ROR2: variants seen among roughly 807,000 people sequenced by gnomAD.
The protein encoded by ROR2 is tyrosine-protein kinase transmembrane receptor ROR2.
ROR2 carries 33 observed loss-of-function variants against 74.9 expected under a neutral mutation model. That is an observed-to-expected ratio of 0.44 (90% confidence interval 0.33 to 0.59). The LOEUF (loss-of-function observed/expected upper bound fraction) is 0.59, where lower values mean the gene tolerates loss of function less well. ROR2 is among the 20% of genes least tolerant of loss of function. The probability of loss-of-function intolerance (pLI) is 0.02; values close to 1 mark genes in which losing one functional copy is unlikely to be tolerated. For synonymous variants in ROR2, 586 were observed against 558.7 expected (o/e 1.05, Z -0.69); for missense variants, 1,216 against 1,313.8 (o/e 0.93, Z 1.15).
intron 1 of ROR2, among the ~76,000 whole-genome samples, chr9:91,807,751 A>G (rs892215536): frequency 1.3e-5 from 2 of 152,102 alleles, no homozygotes; most frequent in Non-Finnish European, 2.9e-5. Flanking sequence ...GTCTTCGTCT[A>G]TGTTGGTGAT....
intron 1 of ROR2, among the ~76,000 whole-genome samples, chr9:91,868,433 AAT>A (rs1455356480): frequency 1.3e-5 from 2 of 152,226 alleles, no homozygotes; most frequent in African/African-American, 4.8e-5. Flanking sequence ...GAACTTTATA[AAT>A]GTGGCAAAAA....
intron 1 of ROR2, among the ~76,000 whole-genome samples, chr9:91,948,040 C>T (rs761800095): frequency 3.9e-5 from 6 of 152,016 alleles, no homozygotes; most frequent in Non-Finnish European, 5.9e-5. Flanking sequence ...AAAACGACTC[C>T]AATTGCTTTG....
chr9:91,842,024 C>T (rs1828796412), intron 1 of ROR2, among the ~76,000 whole-genome samples: 2 of 152,182 alleles, frequency 1.3e-5, no homozygotes, highest in African/African-American at 2.4e-5. Context: ...CAGCCCCACC[C>T]ACCAGCCTCA....
intron 1 of ROR2, among the ~76,000 whole-genome samples, chr9:91,837,150 T>G (rs10992127): frequency 0.36 from 54,331 of 151,996 alleles, 10,294 homozygotes; most frequent in East Asian, 0.61. Context: ...TGTTTTTTTT[T>G]TTGTTGTTGT....
intron 1 of ROR2, among the ~76,000 whole-genome samples, chr9:91,844,816 C>G (rs1327434615): frequency 6.6e-6 from 1 of 152,160 alleles, no homozygotes; most frequent in Non-Finnish European, 1.5e-5. Flanking sequence ...TATACTCCCC[C>G]ACGGTATACA....
intron 1 of ROR2, among the ~76,000 whole-genome samples, chr9:91,911,933 C>CAAA (rs747087662): frequency 0.011 from 844 of 76,138 alleles, 32 homozygotes; most frequent in African/African-American, 0.029. Flanking sequence ...TGAGTCTAAG[C>CAAA]AAAAAAAAAA....
chr9:91,787,027 A>T (rs1826825726), intron 1 of ROR2, among the ~76,000 whole-genome samples: 1 of 152,222 alleles, frequency 6.6e-6, no homozygotes, highest in African/African-American at 2.4e-5. Context: ...CAATCCGGAA[A>T]TGAAAGCTGA....
chr9:91,793,067 G>A (rs1827053034), intron 1 of ROR2, among the ~76,000 whole-genome samples: 1 of 152,110 alleles, frequency 6.6e-6, no homozygotes, highest in Non-Finnish European at 1.5e-5. Flanking sequence ...ATTCTATGAG[G>A]TCAGTATTAC....
chr9:91,937,125 A>G (rs1270949751), intron 1 of ROR2, among the ~76,000 whole-genome samples: 1 of 151,798 alleles, frequency 6.6e-6, no homozygotes, highest in Non-Finnish European at 1.5e-5. Context: ...AAGCTAAAGT[A>G]TTTTTTCAAG....
Position 91,723,478 on chromosome 9 carries a change from G to T in ROR2, c.*184C>A. 1 of 942,480 alleles carries T rather than the reference G, an allele frequency of 1.1e-6. No homozygotes were observed. The highest frequency in any genetic ancestry group is 1.5e-6 in the Non-Finnish European group (1 of 649,348). 58.4% of individuals were successfully genotyped at this position (942,480 alleles called of 1,614,324 possible). ...CCCTGCCTGGCTTGGGTGCTCCTAGGCAGGGCAGCTCTCTGTGTCAGAGGA... is the reference window on the plus strand; with the variant it reads ...CCCTGCCTGGCTTGGGTGCTCCTAGTCAGGGCAGCTCTCTGTGTCAGAGGA... On this transcript the variant is annotated 3_prime_UTR_variant, in exon 9 of 9. Transcript: ENST00000375708.
intron 1 of ROR2, among the ~76,000 whole-genome samples, chr9:91,795,174 A>G (rs1196011319): frequency 6.6e-6 from 1 of 152,216 alleles, no homozygotes; most frequent in Admixed American, 6.5e-5. Flanking sequence ...GCATGAAACT[A>G]TATGTAGCTG....
intron 2 of ROR2, among the ~76,000 whole-genome samples, chr9:91,765,671 T>G (rs373618477): frequency 6.6e-6 from 1 of 152,214 alleles, no homozygotes; most frequent in East Asian, 1.9e-4. Context: ...GGGCTGACCC[T>G]GTGGCAATGT....
intron 1 of ROR2, among the ~76,000 whole-genome samples, chr9:91,835,884 T>C (rs1828597508): frequency 6.6e-6 from 1 of 152,188 alleles, no homozygotes; most frequent in African/African-American, 2.4e-5. Flanking sequence ...CATGTCCGCC[T>C]TTCACTTCTA....
chr9:91,866,062 T>C (rs117798920), intron 1 of ROR2, among the ~76,000 whole-genome samples: 6,482 of 152,260 alleles, frequency 0.043, 406 homozygotes, highest in East Asian at 0.2. Flanking sequence ...GAAGAAATAG[T>C]GATATTCTTC....
intron 1 of ROR2, among the ~76,000 whole-genome samples, chr9:91,789,166 GATT>G (rs1826893134): frequency 6.6e-6 from 1 of 152,106 alleles, no homozygotes; most frequent in South Asian, 2.1e-4. Flanking sequence ...ACCCCAATTT[GATT>G]ATTATACAAT....
In ROR2 at chr9:91,916,107, CCACG is replaced by C. The variant is rs1831126549; in HGVS notation, c.97+33756_97+33759del. Among the ~76,000 whole-genome samples, 3 of 152,276 alleles carry C rather than the reference CCACG, an allele frequency of 2.0e-5. No homozygotes were observed. The South Asian group carries it at 6.2e-4, about 32-fold the overall frequency. On this transcript the variant is annotated intron_variant, in intron 1 of 8. Transcript: ENST00000375708. ...AGTCACATCTTGGCTGTAACTCATT[CCACG>C]CAGGAAAGCAACAAGGAAGAAGGGA...
intron 4 of ROR2, among the ~76,000 whole-genome samples, chr9:91,752,927 G>C (rs1271593682): frequency 6.6e-6 from 1 of 152,216 alleles, no homozygotes; most frequent in Non-Finnish European, 1.5e-5. Flanking sequence ...GTAAATGCTA[G>C]CATCTAGCTG....
intron 1 of ROR2, among the ~76,000 whole-genome samples, chr9:91,911,786 G>A (rs1467779332): frequency 2.6e-5 from 4 of 152,106 alleles, no homozygotes; most frequent in African/African-American, 7.2e-5. Flanking sequence ...GCAGCTTTAA[G>A]GTGGAGAAAT....
At chr9:91,883,198 C>CT (rs1830165449) in intron 1 of ROR2, 1 of 152,172 alleles carries the variant, frequency 6.6e-6, no homozygotes. Context: ...TTGGCCTGTC[C>CT]TATATGGCAA....
Sources: gnomAD v4.1 joint callset for allele counts (sites outside exome capture counted in the v4.1 genomes callset) on GRCh38, gnomAD v4.1.1 for gene constraint, MANE v1.5 for transcripts, NCBI Gene and HGNC (gene_info 2026-07-23, HGNC 2026-07-21) for gene names.